ZNF582: variants seen among roughly 807,000 people sequenced by gnomAD.
ZNF582 encodes the protein zinc finger protein 582.
In ZNF582, 14 loss-of-function variants were observed where a neutral mutation model predicts 12.3. That is an observed-to-expected ratio of 1.14 (90% CI 0.75 to 1.78). The LOEUF (loss-of-function observed/expected upper bound fraction) is 1.78, where lower values mean the gene tolerates loss of function less well. ZNF582 is among the 40% of genes most tolerant of loss of function. The probability of loss-of-function intolerance (pLI) is 0.00; values close to 1 mark genes in which losing one functional copy is unlikely to be tolerated. For synonymous variants in ZNF582, 210 were observed against 207.2 expected (o/e 1.01, Z -0.11); for missense variants, 567 against 616.5 (o/e 0.92, Z 0.85).
intron 4 of ZNF582, chr19:56,387,371 A>C (rs2041975921): frequency 6.6e-6 from 1 of 152,200 alleles, no homozygotes; most frequent in Non-Finnish European, 1.5e-5. Context: ...TACTGCTCTC[A>C]CCAGTGAAAA....
At chr19:56,384,527 T>A in exon 5 of ZNF582, 1 of 1,613,786 alleles carries the variant, frequency 6.2e-7, no homozygotes, top group Non-Finnish European at 8.5e-7. Context: ...TACTTTAAGA[T>A]GTGAGATCCG....
intron 2 of ZNF582, among the ~76,000 whole-genome samples, chr19:56,390,950 A>G (rs913352122): frequency 6.6e-6 from 1 of 152,240 alleles, no homozygotes; most frequent in African/African-American, 2.4e-5. Context: ...TCTTAGATAC[A>G]GGATTTTCAT....
At chr19:56,389,351 A>G (rs1156832301) in intron 4 of ZNF582, among the ~76,000 whole-genome samples, 1 of 152,228 alleles carries the variant, frequency 6.6e-6, no homozygotes, top group Non-Finnish European at 1.5e-5. Flanking sequence ...AAAATGGTCA[A>G]AGGACAAGAT....
chr19:56,385,161 TG>T lies in ZNF582; in HGVS notation c.255del (p.Lys86ArgfsTer19). 1 of 1,605,054 alleles carries T rather than the reference TG, an allele frequency of 6.2e-7. No homozygotes were observed. ...ACATGCTGCTTTGGAAATAATTCCT[TG>T]GTATCATATCTGGACTCCAATACTA... is the stretch of plus-strand genomic sequence containing the variant. On this transcript the variant is annotated frameshift_variant, in exon 5 of 5. Coordinates refer to ENST00000586929, the Ensembl canonical transcript of ZNF582. LOFTEE classifies it low-confidence loss of function (END_TRUNC).
chr19:56,392,368 C>T (rs2042021642), intron 1 of ZNF582, among the ~76,000 whole-genome samples: 1 of 152,204 alleles, frequency 6.6e-6, no homozygotes, highest in African/African-American at 2.4e-5. Context: ...CTTGCATCAA[C>T]AAATGGGATA....
At chr19:56,389,322 C>G (rs551301769) in intron 4 of ZNF582, among the ~76,000 whole-genome samples, 1 of 152,236 alleles carries the variant, frequency 6.6e-6, no homozygotes, top group Non-Finnish European at 1.5e-5. Context: ...TCAAACAAAC[C>G]GATACAAATT....
At chr19:56,390,916 A>T (rs989102621) in intron 2 of ZNF582, among the ~76,000 whole-genome samples, 1 of 152,228 alleles carries the variant, frequency 6.6e-6, no homozygotes, top group African/African-American at 2.4e-5. Flanking sequence ...TTTATTTTTT[A>T]AAATTATGGA....
At chr19:56,385,412 A>C (rs2041958706) in intron 4 of ZNF582, among the ~76,000 whole-genome samples, 1 of 152,214 alleles carries the variant, frequency 6.6e-6, no homozygotes, top group African/African-American at 2.4e-5. Flanking sequence ...GGGGCTGGGC[A>C]TGGTGGCTCA....
At chr19:56,384,236 G>T in exon 5 of ZNF582, 1 of 1,613,860 alleles carries the variant, frequency 6.2e-7, no homozygotes, top group Non-Finnish European at 8.5e-7. Flanking sequence ...ACATTGGTAG[G>T]GTTTCTCTCC....
chr19:56,384,457 A>G, exon 5 of ZNF582: 1 of 1,599,932 alleles, frequency 6.3e-7, no homozygotes, highest in Non-Finnish European at 8.5e-7. Context: ...AACGATGACT[A>G]AAGGTTTTCC....
intron 2 of ZNF582, 146 bp from the exon 3 acceptor site, chr19:56,390,647 G>A (rs1380463643): frequency 1.3e-6 from 1 of 773,152 alleles, no homozygotes; most frequent in South Asian, 1.8e-5. Context: ...AGAAGAAATG[G>A]GGATGAGTAA....
chr19:56,388,863 C>T (rs1460351570), intron 4 of ZNF582, among the ~76,000 whole-genome samples: 2 of 152,110 alleles, frequency 1.3e-5, no homozygotes, highest in Admixed American at 6.5e-5. Flanking sequence ...GTGATTTGGC[C>T]GCCTCAGCCT....
At chr19:56,393,492 C>A (rs1400491165) in exon 1 of ZNF582, 3 of 510,122 alleles carry the variant, frequency 5.9e-6, no homozygotes, top group Non-Finnish European at 1.2e-5. Context: ...CCCGGCAGCC[C>A]AGGGCGCGCT....
chr19:56,385,134 A>G, exon 5 of ZNF582: 1 of 1,611,784 alleles, frequency 6.2e-7, no homozygotes. Flanking sequence ...TCGACTTCAT[A>G]AACATGCTGC....
intron 1 of ZNF582, among the ~76,000 whole-genome samples, chr19:56,392,480 A>AG (rs1429060441): frequency 6.6e-6 from 1 of 152,270 alleles, no homozygotes; most frequent in Non-Finnish European, 1.5e-5. Flanking sequence ...CAGTGCACAA[A>AG]GCTGCATGTC....
chr19:56,385,059 C>T (rs1441582466), exon 5 of ZNF582: 3 of 1,614,026 alleles, frequency 1.9e-6, no homozygotes, highest in Non-Finnish European at 2.5e-6. Context: ...TCCCAATCAT[C>T]TTGGAAACTT....
chr19:56,391,613 G>T (rs775042448), intron 2 of ZNF582, 131 bp downstream of exon 2: 74 of 758,696 alleles, frequency 9.8e-5, no homozygotes, highest in Non-Finnish European at 1.5e-4. Context: ...GAGGACAATG[G>T]GAGAGGAGAC....
At chr19:56,391,231 T>G (rs2042011554) in intron 2 of ZNF582, among the ~76,000 whole-genome samples, 1 of 152,214 alleles carries the variant, frequency 6.6e-6, no homozygotes, top group African/African-American at 2.4e-5. Flanking sequence ...CTTTTCTTCC[T>G]CTTAAGCTAA....
chr19:56,393,408 C>T (rs1314074861), exon 1 of ZNF582: 1 of 593,084 alleles, frequency 1.7e-6, no homozygotes, highest in Non-Finnish European at 2.9e-6. Flanking sequence ...CCTGCTGGAC[C>T]CCAGAGCGCC....
Sources: allele counts gnomAD v4.1 joint callset (sites outside exome capture counted in the v4.1 genomes callset), GRCh38; gene constraint gnomAD v4.1.1; transcripts MANE v1.5; gene names NCBI Gene and HGNC (gene_info 2026-07-23, HGNC 2026-07-21).